Variants in EPHA6 observed in about 807,000 individuals in gnomAD.
The protein encoded by EPHA6 is ephrin type-A receptor 6.
In EPHA6, 50 loss-of-function variants were observed where a neutral mutation model predicts 112.0. The observed-to-expected ratio is 0.45, with a 90% CI of 0.36 to 0.56. The LOEUF is 0.56. Among genes scored for constraint, EPHA6 ranks in the 20% least tolerant of loss-of-function variants. The pLI is 0.00. For synonymous variants in EPHA6, 529 were observed against 490.7 expected, an observed-to-expected ratio of 1.08 and a Z score of -1.03; for missense variants, 1,280 against 1,417.4, an observed-to-expected ratio of 0.90 and a Z score of 1.56.
chr3:97,559,597 T>G, intron 11 of EPHA6: 4 of 454,958 alleles, frequency 8.8e-6, no homozygotes, highest in South Asian at 6.2e-5. Context: ...TCAGAGCCAC[T>G]GGAAATGATG....
At chr3:96,974,262 T>TA (rs2042433536) in intron 2 of EPHA6, among the ~76,000 whole-genome samples, 1 of 148,636 alleles carries the variant, frequency 6.7e-6, no homozygotes, top group Non-Finnish European at 1.5e-5. Flanking sequence ...TTTTAAAACC[T>TA]GGCTTTTTGG....
chr3:96,826,127 T>G (rs2033643915), intron 1 of EPHA6, among the ~76,000 whole-genome samples: 1 of 151,910 alleles, frequency 6.6e-6, no homozygotes, highest in Admixed American at 6.6e-5. Context: ...TAGCATATAG[T>G]TATTTATTGC....
intron 2 of EPHA6, among the ~76,000 whole-genome samples, chr3:96,951,069 C>T (rs1357659819): frequency 1.3e-5 from 2 of 151,828 alleles, no homozygotes; most frequent in South Asian, 2.1e-4. Context: ...AAAAATAATT[C>T]TTATTCCTTA....
intron 6 of EPHA6, among the ~76,000 whole-genome samples, chr3:97,429,806 T>C (rs2089388934): frequency 6.6e-6 from 1 of 152,232 alleles, no homozygotes; most frequent in Non-Finnish European, 1.5e-5. Context: ...AGTTAGTAGA[T>C]ATTTGTAATT....
chr3:97,133,057 TG>T (rs2075676739), intron 3 of EPHA6, among the ~76,000 whole-genome samples: 1 of 152,010 alleles, frequency 6.6e-6, no homozygotes, highest in Admixed American at 6.6e-5. Flanking sequence ...AATGACAGAA[TG>T]GAAAGTAAAG....
intron 10 of EPHA6, among the ~76,000 whole-genome samples, chr3:97,519,835 C>T (rs958291186): frequency 6.6e-6 from 1 of 151,330 alleles, no homozygotes; most frequent in African/African-American, 2.4e-5. Context: ...ATTTTGTATC[C>T]TGTAATTTTA....
intron 1 of EPHA6, among the ~76,000 whole-genome samples, chr3:96,858,288 T>C (rs1051223139): frequency 1.2e-4 from 18 of 152,240 alleles, no homozygotes; most frequent in African/African-American, 4.3e-4. Context: ...TTAGGGTTGA[T>C]ACTACGCTTA....
At position 96,814,633 on chromosome 3, in the gene EPHA6, C is replaced by T. The variant is rs373401426; in HGVS notation, c.10C>T (p.Pro4Ser). The part of the protein sequence containing the change: MQF[P>S]SPPAARSSPA... Reference sequence around the variant, plus strand: ...CGGGACACTGTGGTGGATGCAATTCCCCTCGCCTCCAGCCGCGAGGAGCTC... The same window carrying T: ...CGGGACACTGTGGTGGATGCAATTCTCCTCGCCTCCAGCCGCGAGGAGCTC... The change falls in exon 1 of 18, where the codon CCC (proline) becomes TCC (serine). Residue 4 changes from proline (P) to serine (S), a missense_variant. Physicochemically the swap from Pro to Ser is moderately conservative, Grantham distance 74 (BLOSUM62 -1). Coordinates refer to ENST00000389672, the MANE Select transcript of EPHA6 (RefSeq NM_001080448.3). 2.0e-6 allele frequency: 3 copies of T among 1,469,818 alleles called. No homozygotes were observed. The highest frequency in any genetic ancestry group is 2.8e-5 in the African/African-American group (2 of 70,670). 91.0% of individuals were successfully genotyped at this position (1,469,818 alleles called of 1,614,324 possible). A position where few individuals can be genotyped will look rare whatever the true frequency, so the allele number is the denominator to read the frequency against.
chr3:96,899,534 A>G (rs1228226190), intron 2 of EPHA6, among the ~76,000 whole-genome samples: 1 of 152,342 alleles, frequency 6.6e-6, no homozygotes, highest in East Asian at 1.9e-4. Context: ...GACTAATTCA[A>G]TATGAAGTCA....
At chr3:97,297,658 A>G (rs190211674) in intron 5 of EPHA6, among the ~76,000 whole-genome samples, 3 of 152,340 alleles carry the variant, frequency 2.0e-5, no homozygotes, top group Admixed American at 2.0e-4. Context: ...ACTATAAAGC[A>G]TTATATATGG....
chr3:97,043,593 G>A (rs1053401459), intron 3 of EPHA6, among the ~76,000 whole-genome samples: 13 of 152,098 alleles, frequency 8.5e-5, no homozygotes, highest in Non-Finnish European at 1.6e-4. Flanking sequence ...TCCACAGCTG[G>A]ATCACTTCAC....
At chr3:97,704,397 T>C (rs1264737332) in intron 14 of EPHA6, among the ~76,000 whole-genome samples, 1 of 152,180 alleles carries the variant, frequency 6.6e-6, no homozygotes, top group African/African-American at 2.4e-5. Flanking sequence ...CTTCTGGACC[T>C]GGGATATCCA....
chr3:97,206,483 T>C (rs74665229), intron 3 of EPHA6, among the ~76,000 whole-genome samples: 8,776 of 152,112 alleles, frequency 0.058, 844 homozygotes, highest in African/African-American at 0.2. Context: ...TCTCTTTATA[T>C]AGAATTTTGT....
At chr3:97,129,345 C>CA (rs1287053327) in intron 3 of EPHA6, among the ~76,000 whole-genome samples, 150 of 151,756 alleles carry the variant, frequency 9.9e-4, no homozygotes, top group African/African-American at 3.5e-3. Flanking sequence ...CAAGAACACA[C>CA]AAAAAAATTA....
At chr3:97,071,920 C>A (rs2046371913) in intron 3 of EPHA6, among the ~76,000 whole-genome samples, 1 of 151,918 alleles carries the variant, frequency 6.6e-6, no homozygotes, top group African/African-American at 2.4e-5. Flanking sequence ...ATTCTTATGC[C>A]TTTGCACCCT....
In EPHA6 at chr3:97,712,478, C is replaced by A. The variant is rs146421714; in HGVS notation, c.2785-7783C>A. 7.0e-3 allele frequency among the ~76,000 whole-genome samples: 1,066 copies of A among 152,278 alleles called. 15 individuals carry two copies. Among genetic ancestry groups the A allele is most frequent in the African/African-American group, 0.024 (1,008 of 41,544 alleles). On this transcript the variant is annotated intron_variant, in intron 14 of 17. Transcript: ENST00000389672. ...GTTTTGAAAAAATTGCCTGTACTGTCAGTAGTGTTTAAGTTATCTAAACTC... is the reference window on the plus strand; with the variant it reads ...GTTTTGAAAAAATTGCCTGTACTGTAAGTAGTGTTTAAGTTATCTAAACTC...
At chr3:97,122,403 A>G (rs985855692) in intron 3 of EPHA6, among the ~76,000 whole-genome samples, 1 of 152,098 alleles carries the variant, frequency 6.6e-6, no homozygotes, top group African/African-American at 2.4e-5. Context: ...GATTGTTTTA[A>G]TGGATCTCAG....
chr3:96,978,737 C>T (rs2042630567), intron 2 of EPHA6, among the ~76,000 whole-genome samples: 1 of 152,054 alleles, frequency 6.6e-6, no homozygotes, highest in Non-Finnish European at 1.5e-5. Flanking sequence ...TCCTTATGCA[C>T]TGTATTTGAG....
chr3:97,119,068 C>T (rs369243740), intron 3 of EPHA6, among the ~76,000 whole-genome samples: 50 of 152,006 alleles, frequency 3.3e-4, no homozygotes, highest in African/African-American at 1.2e-3. Flanking sequence ...TTGGGCCCAG[C>T]TGGTTAAGCC....
Sources: gnomAD v4.1 joint callset for allele counts (sites outside exome capture counted in the v4.1 genomes callset) on GRCh38, gnomAD v4.1.1 for gene constraint, MANE v1.5 for transcripts, NCBI Gene and HGNC (gene_info 2026-07-23, HGNC 2026-07-21) for gene names.